The following LTBP3 variants were observed in gnomAD, a reference collection of about 807,000 sequenced individuals.
LTBP3 encodes the protein latent-transforming growth factor beta-binding protein 3.
A neutral mutation model predicts 159.7 loss-of-function variants in LTBP3; 97 were observed. That is an observed-to-expected ratio of 0.61 (90% CI 0.52 to 0.72). LTBP3 has a LOEUF of 0.72. Ranked by LOEUF, LTBP3 falls within the 30% of genes least tolerant of loss-of-function variation. LTBP3 has a pLI of 0.00. For missense variants in LTBP3, 1,584 were observed against 1,864.3 expected (o/e 0.85, Z 2.77); for synonymous variants, 824 against 777.1 (o/e 1.06, Z -1.00).
Position 65,552,759 on chromosome 11 carries a change from C to T in LTBP3, c.1186+101G>A. On this transcript the variant is annotated intron_variant, in intron 6 of 27. Transcript: ENST00000301873. The surrounding 1 kb of genome is among the most constrained non-coding windows in gnomAD (Gnocchi z 6.0). ...CTATTGGCTCTGGGCCTTGTTCCTCCTGCAGTCAACCCTTAACCCCACTCT... is the reference window on the plus strand; with the variant it reads ...CTATTGGCTCTGGGCCTTGTTCCTCTTGCAGTCAACCCTTAACCCCACTCT... The T allele has an allele frequency of 6.4e-7, 1 of 1,561,532 alleles. No individual in the cohort carries two copies. The highest frequency in any genetic ancestry group is 2.3e-5 in the East Asian group (1 of 44,434).
In LTBP3 at chr11:65,558,060, G is replaced by C. The variant is rs1186994753; in HGVS notation, c.-101C>G. 1 of 1,067,416 alleles carries C rather than the reference G, an allele frequency of 9.4e-7. No individual in the cohort carries two copies. Among genetic ancestry groups the C allele is most frequent in the Non-Finnish European group, 1.1e-6 (1 of 881,852 alleles). The allele number at this position is 1,067,416 out of a possible 1,614,324, so 66.1% of individuals were successfully genotyped here. A position where few individuals can be genotyped will look rare whatever the true frequency, so the allele number is the denominator to read the frequency against. ...GCCGGGAGCCCCGGGAGAGGGTAGG[G>C]GGCAGCGAGGGAGGGCAGCGGGGGA... On this transcript the variant is annotated 5_prime_UTR_variant, in exon 1 of 28. Coordinates refer to ENST00000301873, the MANE Select transcript of LTBP3 (RefSeq NM_001130144.3).
In LTBP3 at chr11:65,547,685, C is replaced by A; in HGVS notation, c.1978+5G>T. The A allele has an allele frequency of 1.2e-6, 2 of 1,605,678 alleles. No homozygotes were observed. Among genetic ancestry groups the A allele is most frequent in the Middle Eastern group, 1.8e-4 (1 of 5,418 alleles). The stretch of plus-strand genomic sequence containing the variant: ...CAGGGCCGCCTCCGCCCTGGCGGCG[C>A]TCACCCACGCACGAGCGCCCCCCGG... On this transcript the variant is annotated splice_donor_5th_base_variant and intron_variant, in intron 13 of 27. Coordinates refer to ENST00000301873, the MANE Select transcript of LTBP3 (RefSeq NM_001130144.3). This position sits in a 1 kb window ranked among gnomAD's most constrained non-coding sequence, Gnocchi z 4.6.
chr11:65,547,573 C>A lies in LTBP3; in HGVS notation c.1979-6G>T. 2 of 1,613,456 alleles carry A rather than the reference C, an allele frequency of 1.2e-6. No homozygotes were observed. Among genetic ancestry groups the A allele is most frequent in the Non-Finnish European group, 1.7e-6 (2 of 1,179,660 alleles). On this transcript the variant is annotated splice_region_variant and splice_polypyrimidine_tract_variant and intron_variant, in intron 13 of 27. Coordinates refer to ENST00000301873, the MANE Select transcript of LTBP3 (RefSeq NM_001130144.3). The surrounding 1 kb of genome is among the most constrained non-coding windows in gnomAD (Gnocchi z 4.6). ...CTTGGCGCATTCGTTCAGGTCTGTG[C>A]GGGAGGAAGGGGCCACGAAGGGGGT...
chr11:65,557,827 G>GC lies in LTBP3; in HGVS notation c.132dup (p.Pro45AlafsTer149). The GC allele has an allele frequency of 3.4e-6, 5 of 1,462,220 alleles. No homozygotes were observed. The highest frequency in any genetic ancestry group is 2.8e-5 in the East Asian group (1 of 35,930). 90.6% of individuals were successfully genotyped at this position (1,462,220 alleles called of 1,614,324 possible). A position where few individuals can be genotyped will look rare whatever the true frequency, so the allele number is the denominator to read the frequency against. ...CCGCCTGCGCCCCGCTCGCCGGCCGGCCCCCCCTCGACCCTGCCGCCCAGG... is the reference window on the plus strand; with the variant it reads ...CCGCCTGCGCCCCGCTCGCCGGCCGGCCCCCCCCTCGACCCTGCCGCCCAGG... On this transcript the variant is annotated frameshift_variant, in exon 1 of 28. Coordinates refer to ENST00000301873, the MANE Select transcript of LTBP3 (RefSeq NM_001130144.3). LOFTEE classifies it high-confidence loss of function.
At chr11:65,540,741 G>A (rs1856090575) in intron 21 of LTBP3, 127 bp from the exon 22 acceptor site, 5 of 1,503,192 alleles carry the variant, frequency 3.3e-6, no homozygotes, top group Non-Finnish European at 4.6e-6. Flanking sequence ...CTACAGGGCG[G>A]GGCCTGCGAG....
intron 18 of LTBP3, 98 bp downstream of exon 18, chr11:65,543,007 G>A: frequency 6.7e-7 from 1 of 1,488,666 alleles, no homozygotes; most frequent in Non-Finnish European, 9.3e-7. Flanking sequence ...AAGGATGGTT[G>A]GATGGGTGGA....
chr11:65,551,909 G>C, intron 8 of LTBP3, 63 bp downstream of exon 8: 3 of 1,549,822 alleles, frequency 1.9e-6, no homozygotes, highest in Non-Finnish European at 2.7e-6. Context: ...TGTGGATCAC[G>C]GGTCAAGGGG....
At position 65,547,960 on chromosome 11, in the gene LTBP3, G is replaced by A. The variant is rs1214391090; in HGVS notation, c.1806C>T (p.Asn602=). The A allele has an allele frequency of 6.2e-7, 1 of 1,613,938 alleles. No homozygotes were observed. Among genetic ancestry groups the A allele is most frequent in the Non-Finnish European group, 8.5e-7 (1 of 1,180,000 alleles). ...PGPPDYSCHC[N]PGYRSHPQHR... is the part of the protein sequence containing the mutation. ...GCTGGGGATGTGACCGGTAGCCGGG[G>A]TTGCAGTGGCAGGAGTAGTCAGGGG... The change falls in exon 12 of 28, where the codon AAC becomes AAT. Residue 602 remains asparagine, a synonymous_variant. Transcript: ENST00000301873. This position sits in a 1 kb window ranked among gnomAD's most constrained non-coding sequence, Gnocchi z 4.6.
In LTBP3 at chr11:65,540,070, G is replaced by A. The variant is rs2135119901; in HGVS notation, c.3328C>T (p.Pro1110Ser). 1 of 1,524,832 alleles carries A rather than the reference G, an allele frequency of 6.6e-7. No homozygotes were observed. Among genetic ancestry groups the A allele is most frequent in the Non-Finnish European group, 8.8e-7 (1 of 1,141,480 alleles). The allele number at this position is 1,524,832 out of a possible 1,614,324, so 94.5% of individuals were successfully genotyped here. A position where few individuals can be genotyped will look rare whatever the true frequency, so the allele number is the denominator to read the frequency against. The change falls in exon 24 of 28, where the codon CCG becomes TCG. Residue 1110 changes from proline (P) to serine (S), a missense_variant. Transcript: ENST00000301873. ...CCGGAGGGCCCGGGCACCCAGGGCGGGCGACACTCGCAGCGGTAGGAGCCC... is the reference window on the plus strand; with the variant it reads ...CCGGAGGGCCCGGGCACCCAGGGCGAGCGACACTCGCAGCGGTAGGAGCCC... The part of the protein sequence containing the change: ...LPGSYRCECR[P>S]PWVPGPSGRD...
rs1393547117 is a variant in LTBP3, at chr11:65,547,536, G to A, written c.2010C>T (p.Cys670=). The A allele has an allele frequency of 6.2e-7, 1 of 1,614,020 alleles. No individual in the cohort carries two copies. Among genetic ancestry groups the A allele is most frequent in the Non-Finnish European group, 8.5e-7 (1 of 1,179,950 alleles). The change falls in exon 14 of 28, where the codon TGC becomes TGT. Residue 670 remains cysteine, a synonymous_variant. Transcript: ENST00000301873. The surrounding 1 kb of genome is among the most constrained non-coding windows in gnomAD (Gnocchi z 4.6). ...AGTTGATGCAGAAGCCGCCGTCGCC[G>A]CACAGGTGGGGCTTGGCGCATTCGT... ...DLNECAKPHL[C]GDGGFCINFP...
Position 65,553,103 on chromosome 11 carries a change from C to T in LTBP3, c.1063+61G>A. The T allele has an allele frequency of 1.2e-6, 2 of 1,606,346 alleles. No homozygotes were observed. Among genetic ancestry groups the T allele is most frequent in the Non-Finnish European group, 1.7e-6 (2 of 1,173,314 alleles). On this transcript the variant is annotated intron_variant, in intron 5 of 27. Transcript: ENST00000301873. The surrounding 1 kb of genome is among the most constrained non-coding windows in gnomAD (Gnocchi z 6.5). ...CTCTCTCGCCCACCTTGGGACCCTC[C>T]CCACCCCCAGTGATGGCTGGCCTGC...
At chr11:65,540,746 T>TACAGGGCGGGGCCC in intron 21 of LTBP3, 125 bp downstream of exon 21, 1 of 1,013,382 alleles carries the variant, frequency 9.9e-7, no homozygotes, top group Non-Finnish European at 1.3e-6. Flanking sequence ...GGGCGGGGCC[T>TACAGGGCGGGGCCC]GCGAGGAAGG....
At chr11:65,543,662 C>T in intron 16 of LTBP3, 113 bp from the exon 17 acceptor site, 1 of 1,367,956 alleles carries the variant, frequency 7.3e-7, no homozygotes, top group East Asian at 2.3e-5. Context: ...CAGCAGCACT[C>T]AGAAGCACAG....
chr11:65,552,471 C>A lies in LTBP3; in HGVS notation c.1187-65G>T. ...ACATTGCCCACGTCCCTCTGCCCAG[C>A]TGCTGCAGACCTTGCCTCTCCGGCC... is the stretch of plus-strand genomic sequence containing the variant. On this transcript the variant is annotated intron_variant, in intron 6 of 27. Coordinates refer to ENST00000301873, the MANE Select transcript of LTBP3 (RefSeq NM_001130144.3). This position sits in a 1 kb window ranked among gnomAD's most constrained non-coding sequence, Gnocchi z 6.0. 6.3e-7 allele frequency: 1 copy of A among 1,589,962 alleles called. No individual in the cohort carries two copies. The highest frequency in any genetic ancestry group is 1.1e-5 in the South Asian group (1 of 90,312).
At position 65,546,996 on chromosome 11, in the gene LTBP3, G is replaced by C; in HGVS notation, c.2108-76C>G. On this transcript the variant is annotated intron_variant, in intron 14 of 27. Coordinates refer to ENST00000301873, the MANE Select transcript of LTBP3 (RefSeq NM_001130144.3). The surrounding 1 kb of genome is among the most constrained non-coding windows in gnomAD (Gnocchi z 4.0). ...CCCGGCTCCCAGCGTCCACAGCAGG[G>C]ACTTCCTCCCACACAGATCAACGAG... 1 of 1,592,920 alleles carries C rather than the reference G, an allele frequency of 6.3e-7. No individual in the cohort carries two copies. The highest frequency in any genetic ancestry group is 2.2e-5 in the East Asian group (1 of 44,780).
Position 65,557,792 on chromosome 11 carries a change from C to T in LTBP3, c.168G>A (p.Ala56=), listed in dbSNP as rs1363155054. Residue 56 remains alanine, a synonymous_variant, in exon 1 of 28, where the codon GCG becomes GCA. Transcript: ENST00000301873. The stretch of plus-strand genomic sequence containing the variant: ...CCACCTTGAAGCGCTCGCGGGCCAG[C>T]GCCCCGCCCCCGCCTGCGCCCCGCT... ...AGERGAGGGG[A]LARERFKVVF... 1 of 1,579,604 alleles carries T rather than the reference C, an allele frequency of 6.3e-7. No individual in the cohort carries two copies. Among genetic ancestry groups the T allele is most frequent in the Admixed American group, 1.7e-5 (1 of 57,568 alleles).
In LTBP3 at chr11:65,547,369, A is replaced by AC; in HGVS notation, c.2107+69dup. On this transcript the variant is annotated intron_variant, in intron 14 of 27. Transcript: ENST00000301873. This position sits in a 1 kb window ranked among gnomAD's most constrained non-coding sequence, Gnocchi z 4.6. Reference sequence around the variant, plus strand: ...GGGGGAAAAAAAAAAAAATGCAGGCACCCCAGCCCCACCCCAGGTGGAGAG... The same window carrying AC: ...GGGGGAAAAAAAAAAAAATGCAGGCACCCCCAGCCCCACCCCAGGTGGAGAG... 6.5e-7 allele frequency: 1 copy of AC among 1,537,328 alleles called. No individual in the cohort carries two copies.
Position 65,552,708 on chromosome 11 carries a change from A to C in LTBP3, c.1186+152T>G. 7.9e-6 allele frequency: 9 copies of C among 1,142,118 alleles called. No individual in the cohort carries two copies. Among genetic ancestry groups the C allele is most frequent in the African/African-American group, 1.5e-5 (1 of 65,256 alleles). The allele number at this position is 1,142,118 out of a possible 1,614,324, so 70.7% of individuals were successfully genotyped here. ...GACTGCTAATGGCAGATCTCATGTG[A>C]CCCCGGACCCTGCTGATCCCTGATC... On this transcript the variant is annotated intron_variant, in intron 6 of 27. Coordinates refer to ENST00000301873, the MANE Select transcript of LTBP3 (RefSeq NM_001130144.3). This position sits in a 1 kb window ranked among gnomAD's most constrained non-coding sequence, Gnocchi z 6.0.
chr11:65,545,901 CCCTCTGTCTCA>C (rs1269689310), intron 16 of LTBP3: 1 of 185,868 alleles, frequency 5.4e-6, no homozygotes, highest in Non-Finnish European at 1.1e-5. Context: ...CAACACCCCA[CCCTCTGTCTCA>C]CCTCTGATCT....
Sources: gnomAD v4.1 joint callset for allele counts on GRCh38, gnomAD v4.1.1 for gene constraint, Gnocchi (gnomAD v3.1) non-coding constraint, MANE v1.5 for transcripts, NCBI Gene and HGNC (gene_info 2026-07-23, HGNC 2026-07-21) for gene names.